Variants in FCHO2 observed in about 807,000 individuals in gnomAD.
FCHO2 encodes FCH and mu domain containing endocytic adaptor 2.
A neutral mutation model predicts 114.1 loss-of-function variants in FCHO2; 43 were observed. The observed-to-expected ratio is 0.38, with a 90% CI of 0.30 to 0.49. The LOEUF is 0.49. FCHO2 is among the 20% of genes least tolerant of loss of function. The probability of loss-of-function intolerance (pLI) is 0.97; values close to 1 mark genes in which losing one functional copy is unlikely to be tolerated. For synonymous variants in FCHO2, 293 were observed against 315.2 expected (o/e 0.93, Z 0.75); for missense variants, 807 against 950.4 (o/e 0.85, Z 1.98).
rs190205314 is a variant in FCHO2, at chr5:73,057,321, G to T, written c.1254-1112G>T. ...GAGGTACTAATTGAGCATAGTGGTGGTATTTATTGGATGTATCATTTTTTT... is the reference window on the plus strand; with the variant it reads ...GAGGTACTAATTGAGCATAGTGGTGTTATTTATTGGATGTATCATTTTTTT... On this transcript the variant is annotated intron_variant, in intron 16 of 25. Coordinates refer to ENST00000430046, the MANE Select transcript of FCHO2 (RefSeq NM_138782.3). Among the ~76,000 whole-genome samples the T allele has an allele frequency of 3.3e-3, 506 of 152,200 alleles. 2 individuals carry two copies. The highest frequency in any genetic ancestry group is 0.011 in the African/African-American group (476 of 41,522).
intron 19 of FCHO2, among the ~76,000 whole-genome samples, chr5:73,070,377 TTTTAA>T (rs1260743527): frequency 6.7e-6 from 1 of 150,100 alleles, no homozygotes; most frequent in East Asian, 2.1e-4. Context: ...TTTTCCCATC[TTTTAA>T]TTTTATATAA....
rs1256443960 is a variant in FCHO2 at position 72,990,860 on chromosome 5, A to G, written c.491A>G (p.Glu164Gly). Reference protein sequence around the residue: ...KKEGATQREIEKAAVKSKKAT... With the variant: ...KKEGATQREIGKAAVKSKKAT... Reference sequence around the variant, plus strand: ...GAAGGAGCTACACAAAGAGAAATAGAAAAGGTAATCATAATAAAAATTACA... The same window carrying G: ...GAAGGAGCTACACAAAGAGAAATAGGAAAGGTAATCATAATAAAAATTACA... The change falls in exon 5 of 26, where the codon GAA becomes GGA. Residue 164 changes from glutamate to glycine, a missense_variant. Coordinates refer to ENST00000430046, the MANE Select transcript of FCHO2 (RefSeq NM_138782.3). 1.3e-6 allele frequency: 2 copies of G among 1,539,044 alleles called. No individual in the cohort carries two copies. Among genetic ancestry groups the G allele is most frequent in the East Asian group, 2.4e-5 (1 of 40,848 alleles).
intron 9 of FCHO2, among the ~76,000 whole-genome samples, chr5:73,035,565 C>T (rs1460021845): frequency 2.0e-5 from 3 of 152,060 alleles, no homozygotes; most frequent in African/African-American, 7.2e-5. Flanking sequence ...TACAGTGGTA[C>T]GATCTCTGCT....
At chr5:73,066,667 C>T (rs1369458449) in intron 18 of FCHO2, among the ~76,000 whole-genome samples, 1 of 147,814 alleles carries the variant, frequency 6.8e-6, no homozygotes, top group Admixed American at 6.9e-5. Context: ...TCTATAACCA[C>T]ATCCTCCCTA....
intron 2 of FCHO2, among the ~76,000 whole-genome samples, chr5:72,983,650 A>G (rs899988128): frequency 1.3e-5 from 2 of 150,666 alleles, no homozygotes; most frequent in Non-Finnish European, 3.0e-5. Context: ...CTGCATCCCA[A>G]AGTGCCGGGA....
At chr5:73,050,846 T>G (rs1757308302) in intron 11 of FCHO2, among the ~76,000 whole-genome samples, 1 of 152,192 alleles carries the variant, frequency 6.6e-6, no homozygotes, top group South Asian at 2.1e-4. Context: ...TGGTTGTCAC[T>G]CTTTATGGCA....
chr5:72,956,262 T>C lies in FCHO2; in HGVS notation c.33+133T>C, dbSNP rs1579985823. On this transcript the variant is annotated intron_variant, in intron 1 of 25. Transcript: ENST00000430046. Reference sequence around the variant, plus strand: ...GAGCGTCCTCCTGCCGCGTCCCGCCTGGGTGAGGTCCGGCGGGCGACCGGT... The same window carrying C: ...GAGCGTCCTCCTGCCGCGTCCCGCCCGGGTGAGGTCCGGCGGGCGACCGGT... 10 of 1,242,320 alleles carry C rather than the reference T, an allele frequency of 8.0e-6. No homozygotes were observed. In the East Asian group the frequency reaches 2.4e-4, roughly 30 times the overall value. 77.0% of individuals were successfully genotyped at this position (1,242,320 alleles called of 1,614,324 possible). A position where few individuals can be genotyped will look rare whatever the true frequency, so the allele number is the denominator to read the frequency against.
At chr5:73,018,063 A>G (rs78835566) in intron 8 of FCHO2, among the ~76,000 whole-genome samples, 1 of 152,164 alleles carries the variant, frequency 6.6e-6, no homozygotes, top group Non-Finnish European at 1.5e-5. Flanking sequence ...TCCATAAGTA[A>G]AAATAATTTA....
chr5:73,064,163 C>T (rs940377694), intron 18 of FCHO2, among the ~76,000 whole-genome samples: 23 of 151,984 alleles, frequency 1.5e-4, no homozygotes, highest in African/African-American at 5.6e-4. Context: ...AAGAGATTTC[C>T]TGAGAAAGTT....
intron 5 of FCHO2, among the ~76,000 whole-genome samples, chr5:72,994,343 A>T (rs1410699481): frequency 6.6e-6 from 1 of 152,252 alleles, no homozygotes; most frequent in East Asian, 1.9e-4. Context: ...GACACTTCTC[A>T]AAAGAAGACA....
At chr5:72,983,870 A>G (rs1753365867) in intron 2 of FCHO2, among the ~76,000 whole-genome samples, 1 of 151,810 alleles carries the variant, frequency 6.6e-6, no homozygotes, top group Non-Finnish European at 1.5e-5. Flanking sequence ...ATGCATATAT[A>G]TATATATACA....
chr5:73,033,249 TAGTA>T (rs1756326470), intron 8 of FCHO2, among the ~76,000 whole-genome samples: 2 of 152,134 alleles, frequency 1.3e-5, no homozygotes, highest in African/African-American at 4.8e-5. Flanking sequence ...AAGAATGTAT[TAGTA>T]AGGAACATAC....
chr5:72,979,593 G>A (rs1302499537), intron 2 of FCHO2, among the ~76,000 whole-genome samples: 3 of 150,548 alleles, frequency 2.0e-5, no homozygotes, highest in Non-Finnish European at 4.4e-5. Context: ...GGGTTTCACC[G>A]TGTTAGCCAG....
intron 16 of FCHO2, among the ~76,000 whole-genome samples, chr5:73,056,618 T>C (rs1470826557): frequency 1.3e-5 from 2 of 152,184 alleles, no homozygotes; most frequent in African/African-American, 2.4e-5. Context: ...CTTGGTAATA[T>C]GTCCTTTTAC....
intron 10 of FCHO2, among the ~76,000 whole-genome samples, chr5:73,039,313 C>A (rs865869416): frequency 1.8e-4 from 27 of 152,126 alleles, no homozygotes; most frequent in African/African-American, 6.5e-4. Context: ...TCATACAGCC[C>A]ACTGTGAGGG....
intron 5 of FCHO2, among the ~76,000 whole-genome samples, chr5:73,005,218 C>G (rs946232474): frequency 2.0e-5 from 3 of 152,100 alleles, no homozygotes; most frequent in Non-Finnish European, 2.9e-5. Context: ...CTTACCAAAC[C>G]CAAACCTCAG....
intron 2 of FCHO2, among the ~76,000 whole-genome samples, chr5:72,988,281 T>C (rs948487004): frequency 2.0e-5 from 3 of 151,988 alleles, no homozygotes; most frequent in African/African-American, 4.8e-5. Context: ...CTACTAAAAA[T>C]ACAAAAATTA....
intron 19 of FCHO2, among the ~76,000 whole-genome samples, chr5:73,070,433 T>C (rs1315966466): frequency 2.0e-5 from 3 of 152,098 alleles, no homozygotes; most frequent in African/African-American, 7.2e-5. Context: ...GTTTAATGAA[T>C]ACTTCATTTT....
intron 6 of FCHO2, among the ~76,000 whole-genome samples, chr5:73,014,874 C>G (rs368863127): frequency 5.1e-4 from 77 of 151,832 alleles, no homozygotes; most frequent in African/African-American, 1.8e-3. Context: ...GTCAGGAGAT[C>G]GAGACTTTCC....
Sources: gnomAD v4.1 joint callset for allele counts (sites outside exome capture counted in the v4.1 genomes callset) on GRCh38, gnomAD v4.1.1 for gene constraint, MANE v1.5 for transcripts, NCBI Gene and HGNC (gene_info 2026-07-23, HGNC 2026-07-21) for gene names.